Variants in MAMDC2 observed in about 807,000 individuals in gnomAD.
MAMDC2 encodes MAM domain-containing protein 2.
A neutral mutation model predicts 89.8 loss-of-function variants in MAMDC2; 57 were observed. That is an observed-to-expected ratio of 0.63 (90% confidence interval 0.51 to 0.79). The LOEUF (loss-of-function observed/expected upper bound fraction) is 0.79, where lower values mean the gene tolerates loss of function less well. Among genes scored for constraint, MAMDC2 ranks in the 30% least tolerant of loss-of-function variants. The pLI is 0.00. For missense variants in MAMDC2, 800 were observed against 820.6 expected (o/e 0.97, Z 0.31); for synonymous variants, 313 against 293.4 (o/e 1.07, Z -0.68).
chr9:70,200,318 C>G (rs1488180649), intron 11 of MAMDC2, among the ~76,000 whole-genome samples: 2 of 147,098 alleles, frequency 1.4e-5, no homozygotes, highest in African/African-American at 5.0e-5. Context: ...AATCCTTTCC[C>G]CATTGCTTGT....
chr9:70,073,782 CA>C (rs1827464962), intron 2 of MAMDC2, among the ~76,000 whole-genome samples: 1 of 152,218 alleles, frequency 6.6e-6, no homozygotes. Context: ...GGCCTGGCCA[CA>C]AGCCCCTTCT....
intron 11 of MAMDC2, chr9:70,170,929 T>C (rs17051515): frequency 0.056 from 18,013 of 320,926 alleles, 570 homozygotes; most frequent in South Asian, 0.073. Flanking sequence ...GGGGAAAAAA[T>C]GGTAATCTAA....
chr9:70,096,703 A>C (rs372398178), intron 2 of MAMDC2, among the ~76,000 whole-genome samples: 2 of 152,168 alleles, frequency 1.3e-5, no homozygotes, highest in South Asian at 2.1e-4. Flanking sequence ...GGTAAGGAAG[A>C]GTCATCAAAG....
chr9:70,185,398 A>C (rs756935155), intron 11 of MAMDC2, among the ~76,000 whole-genome samples: 1 of 152,154 alleles, frequency 6.6e-6, no homozygotes, highest in Non-Finnish European at 1.5e-5. Flanking sequence ...CCCTTAGCAG[A>C]GCTTGGGCAC....
At chr9:70,183,348 T>C (rs571381722) in intron 11 of MAMDC2, among the ~76,000 whole-genome samples, 25 of 152,344 alleles carry the variant, frequency 1.6e-4, no homozygotes, top group African/African-American at 6.0e-4. Context: ...GAGAGTTCTG[T>C]AGATATCTAT....
intron 11 of MAMDC2, among the ~76,000 whole-genome samples, chr9:70,206,096 T>C (rs1367287676): frequency 1.3e-5 from 2 of 152,232 alleles, no homozygotes; most frequent in African/African-American, 2.4e-5. Flanking sequence ...TTGTCTACAT[T>C]ACTCTACATA....
chr9:70,196,972 A>C (rs569359580), intron 11 of MAMDC2, among the ~76,000 whole-genome samples: 1 of 152,294 alleles, frequency 6.6e-6, no homozygotes, highest in East Asian at 1.9e-4. Context: ...ATTACTTGGA[A>C]GACAAATAGT....
At chr9:70,182,705 C>T (rs541414039) in intron 11 of MAMDC2, among the ~76,000 whole-genome samples, 40 of 152,016 alleles carry the variant, frequency 2.6e-4, no homozygotes, top group African/African-American at 9.4e-4. Flanking sequence ...TGTGATATTC[C>T]CTTTATCATT....
At position 70,163,952 on chromosome 9, in the gene MAMDC2, CAAAAA is replaced by C. The variant is rs34029718; in HGVS notation, c.1405-4732_1405-4728del. Among the ~76,000 whole-genome samples the C allele has an allele frequency of 1.3e-4, 9 of 70,072 alleles. No homozygotes were observed. The East Asian group carries it at 3.2e-3, about 25-fold the overall frequency. The allele number at this position is 70,072 out of a possible 152,430, so 46.0% of individuals were successfully genotyped here. On this transcript the variant is annotated intron_variant, in intron 9 of 13. Transcript: ENST00000377182. ...CTGGGCACAGAGTGAGACTCTGTCT[CAAAAA>C]AAAAAAAAAAAAAAAAATCCAACTC... is the stretch of plus-strand genomic sequence containing the variant.
Position 70,044,611 on chromosome 9 carries a change from T to A in MAMDC2, c.62T>A (p.Leu21Gln), listed in dbSNP as rs770327100. The A allele has an allele frequency of 6.4e-7, 1 of 1,550,914 alleles. No homozygotes were observed. Reference protein sequence around the residue: ...QALQLAGALDLPAGSCAFEES... With the variant: ...QALQLAGALDQPAGSCAFEES... ...CTGCAGCTCGCCGGTGCCCTCGACC[T>A]GCCCGCTGGGTCCTGTGCCTTTGAA... The change falls in exon 2 of 14, where the codon CTG becomes CAG. Residue 21 changes from leucine to glutamine, a missense_variant. Physicochemically the swap from Leu to Gln is moderately radical, Grantham distance 113. Transcript: ENST00000377182.
intron 7 of MAMDC2, 79 bp from the exon 8 acceptor site, chr9:70,140,066 T>C: frequency 1.4e-6 from 2 of 1,408,752 alleles, no homozygotes; most frequent in African/African-American, 3.0e-5. Flanking sequence ...AATGTGTATA[T>C]ATAAATATCT....
chr9:70,131,375 A>C lies in MAMDC2; in HGVS notation c.901-144A>C, dbSNP rs557392647. On this transcript the variant is annotated intron_variant, in intron 6 of 13. Transcript: ENST00000377182. ...GTAGGTTGAGGAGGGTGCTGCCCAA[A>C]CTCATATTTGGAAATCTGATTCCAT... 10 of 603,178 alleles carry C rather than the reference A, an allele frequency of 1.7e-5. No homozygotes were observed. The South Asian group carries it at 2.2e-4, about 13-fold the overall frequency. The allele number at this position is 603,178 out of a possible 1,614,324, so 37.4% of individuals were successfully genotyped here. A position where few individuals can be genotyped will look rare whatever the true frequency, so the allele number is the denominator to read the frequency against.
intron 2 of MAMDC2, among the ~76,000 whole-genome samples, chr9:70,072,752 A>C (rs2118092507): frequency 6.6e-6 from 1 of 152,326 alleles, no homozygotes; most frequent in Non-Finnish European, 1.5e-5. Flanking sequence ...TAAGAAAAGA[A>C]AAGGTTAAGA....
At chr9:70,078,646 A>C (rs866449453) in intron 2 of MAMDC2, among the ~76,000 whole-genome samples, 1 of 152,190 alleles carries the variant, frequency 6.6e-6, no homozygotes, top group Non-Finnish European at 1.5e-5. Flanking sequence ...GTTAATTTAT[A>C]GCTATCTGGG....
intron 11 of MAMDC2, among the ~76,000 whole-genome samples, chr9:70,212,643 C>A (rs2033379926): frequency 6.6e-6 from 1 of 151,996 alleles, no homozygotes; most frequent in Non-Finnish European, 1.5e-5. Context: ...TCCAATAAGC[C>A]CCAGTGAGAT....
At chr9:70,209,429 T>C (rs1010053463) in intron 11 of MAMDC2, among the ~76,000 whole-genome samples, 5 of 152,238 alleles carry the variant, frequency 3.3e-5, no homozygotes, top group Non-Finnish European at 5.9e-5. Flanking sequence ...GAGGTGTTTA[T>C]AGTATTCTCT....
intron 9 of MAMDC2, among the ~76,000 whole-genome samples, chr9:70,164,576 G>C (rs2032103644): frequency 6.6e-6 from 1 of 152,108 alleles, no homozygotes; most frequent in African/African-American, 2.4e-5. Context: ...TAAGAGATTT[G>C]CATAAAATCA....
chr9:70,195,227 C>A (rs2032954834), intron 11 of MAMDC2, among the ~76,000 whole-genome samples: 1 of 152,004 alleles, frequency 6.6e-6, no homozygotes, highest in African/African-American at 2.4e-5. Context: ...AGTAGAACAA[C>A]AATAAAGACC....
In MAMDC2 at chr9:70,170,595, T is replaced by C. The variant is rs1244310389; in HGVS notation, c.1615T>C (p.Tyr539His). The C allele has an allele frequency of 1.2e-6, 2 of 1,612,038 alleles. No individual in the cohort carries two copies. The highest frequency in any genetic ancestry group is 1.7e-5 in the Admixed American group (1 of 59,832). ...HRRRGETPTS[Y>H]TGPKGDHTTG... ...GAGGAGGGGAGAAACTCCCACTTCC[T>C]ACACAGGACCAAAGGGAGATCACAC... The change falls in exon 11 of 14, where the codon TAC becomes CAC. Residue 539 changes from tyrosine (Y) to histidine (H), a missense_variant. Coordinates refer to ENST00000377182, the MANE Select transcript of MAMDC2 (RefSeq NM_153267.5).
Sources: allele counts gnomAD v4.1 joint callset (sites outside exome capture counted in the v4.1 genomes callset), GRCh38; gene constraint gnomAD v4.1.1; transcripts MANE v1.5; gene names NCBI Gene and HGNC (gene_info 2026-07-23, HGNC 2026-07-21).